The following SCNN1G variants were observed in gnomAD, a reference collection of about 807,000 sequenced individuals.
The protein encoded by SCNN1G is sodium channel epithelial 1 subunit gamma, also known as epithelial sodium channel subunit gamma.
Under a neutral mutation model 64.6 loss-of-function variants are expected in SCNN1G, and 27 were observed. The observed-to-expected ratio is 0.42, with a 90% confidence interval of 0.31 to 0.58. The LOEUF (loss-of-function observed/expected upper bound fraction) is 0.58. Among genes scored for constraint, SCNN1G ranks in the 20% least tolerant of loss-of-function variants. The pLI is 0.18. For missense variants in SCNN1G, 743 were observed against 823.4 expected (o/e 0.90, Z 1.19); for synonymous variants, 330 against 314.2 (o/e 1.05, Z -0.53).
chr16:23,203,629 G>A (rs1488390113), intron 6 of SCNN1G, among the ~76,000 whole-genome samples: 5 of 151,810 alleles, frequency 3.3e-5, no homozygotes, highest in Admixed American at 6.6e-5. Flanking sequence ...AATTAGCCGG[G>A]TGTGGTGGCA....
intron 1 of SCNN1G, among the ~76,000 whole-genome samples, chr16:23,183,724 T>C (rs2141925515): frequency 6.6e-6 from 1 of 152,260 alleles, no homozygotes; most frequent in South Asian, 2.1e-4. Context: ...AATCAGGTAG[T>C]GTGTGAAAAG....
At chr16:23,199,892 C>T (rs569845879) in intron 6 of SCNN1G, among the ~76,000 whole-genome samples, 14 of 151,788 alleles carry the variant, frequency 9.2e-5, no homozygotes, top group African/African-American at 2.9e-4. Flanking sequence ...AGGATGGTCT[C>T]GATCTCCTGA....
chr16:23,186,512 G>A lies in SCNN1G; in HGVS notation c.241G>A (p.Val81Ile), dbSNP rs1014035286. Residue 81 changes from valine (V) to isoleucine (I), a missense_variant, in exon 2 of 13, where the codon GTC becomes ATC. Physicochemically the swap from Val to Ile is conservative, Grantham distance 29 (BLOSUM62 3). Transcript: ENST00000300061. ...CCTCCTCGTCTTCTCCTTCTATACTGTCTCAGTTTCCATCAAAGTCCACTT... is the reference window on the plus strand; with the variant it reads ...CCTCCTCGTCTTCTCCTTCTATACTATCTCAGTTTCCATCAAAGTCCACTT... ...CALLVFSFYT[V>I]SVSIKVHFRK... is the part of the protein sequence containing the mutation. 3.7e-6 allele frequency: 6 copies of A among 1,613,800 alleles called. No homozygotes were observed. The highest frequency in any genetic ancestry group is 1.3e-5 in the African/African-American group (1 of 74,878).
At chr16:23,192,574 A>T in intron 4 of SCNN1G, 32 bp downstream of exon 4, 1 of 1,572,282 alleles carries the variant, frequency 6.4e-7, no homozygotes, top group Non-Finnish European at 8.7e-7. Flanking sequence ...CTCAGCCTCT[A>T]AGGACTGGCA....
At chr16:23,211,935 G>T (rs1960085614) in intron 7 of SCNN1G, 99 bp from the exon 8 acceptor site, 1 of 906,402 alleles carries the variant, frequency 1.1e-6, no homozygotes, top group Non-Finnish European at 1.9e-6. Context: ...GTTGGCCAAG[G>T]TTAAGGGAGG....
Position 23,215,101 on chromosome 16 carries a change from C to T in SCNN1G, c.1582C>T (p.Leu528=). 6.2e-7 allele frequency: 1 copy of T among 1,614,156 alleles called. No individual in the cohort carries two copies. The highest frequency in any genetic ancestry group is 1.1e-5 in the South Asian group (1 of 91,076). The part of the protein sequence containing the change: ...ESPANSIEML[L]SNFGGQLGLW... ...GCCTGTCTTGCAGATTGAGATGCTT[C>T]TGTCCAACTTCGGTGGCCAGCTGGG... The change falls in exon 13 of 13, where the codon CTG becomes TTG. Residue 528 remains leucine (L), a synonymous_variant. Transcript: ENST00000300061.
intron 6 of SCNN1G, among the ~76,000 whole-genome samples, chr16:23,201,540 A>C (rs1471250852): frequency 6.6e-6 from 1 of 151,962 alleles, no homozygotes; most frequent in East Asian, 1.9e-4. Flanking sequence ...AAAAAAAAAA[A>C]CAGGGTTTAT....
rs1176827725 is a variant in SCNN1G at position 23,216,026 on chromosome 16, AGAGAAC to A, written c.*558_*563del. The A allele has an allele frequency of 5.4e-6, 1 of 184,584 alleles. No individual in the cohort carries two copies. Among genetic ancestry groups the A allele is most frequent in the African/African-American group, 2.4e-5 (1 of 42,006 alleles). The allele number at this position is 184,584 out of a possible 1,614,324, so 11.4% of individuals were successfully genotyped here. ...GGTGTCCTCCATGCCCTCAGGCAGC[AGAGAAC>A]TGGCCCAGAGCCCTTGGAGTGTTGG... is the stretch of plus-strand genomic sequence containing the variant. On this transcript the variant is annotated 3_prime_UTR_variant, in exon 13 of 13. Coordinates refer to ENST00000300061, the MANE Select transcript of SCNN1G (RefSeq NM_001039.4).
chr16:23,188,685 T>A (rs943539100), intron 2 of SCNN1G, among the ~76,000 whole-genome samples: 1 of 152,110 alleles, frequency 6.6e-6, no homozygotes, highest in Non-Finnish European at 1.5e-5. Context: ...AGTACCAGGA[T>A]GGGGAACCTA....
intron 1 of SCNN1G, among the ~76,000 whole-genome samples, chr16:23,183,890 T>A (rs1167495493): frequency 1.3e-5 from 2 of 152,212 alleles, no homozygotes; most frequent in African/African-American, 4.8e-5. Flanking sequence ...GCTCAGCCAC[T>A]TTCTAGTGTG....
At chr16:23,193,088 A>G in intron 4 of SCNN1G, among the ~76,000 whole-genome samples, 1 of 151,150 alleles carries the variant, frequency 6.6e-6, no homozygotes, top group East Asian at 1.9e-4. Flanking sequence ...AAAAAAAAAA[A>G]AAAAAAAAAC....
chr16:23,187,605 A>G (rs1368790110), intron 2 of SCNN1G, among the ~76,000 whole-genome samples: 1 of 152,122 alleles, frequency 6.6e-6, no homozygotes, highest in Non-Finnish European at 1.5e-5. Context: ...CCTGCAGCAT[A>G]AGTGAGCTCA....
rs1056794037 is a variant in SCNN1G, at chr16:23,189,265, G to A, written c.318-106G>A. 3.4e-5 allele frequency: 40 copies of A among 1,165,312 alleles called. 1 individual carries two copies. The South Asian group carries it at 4.7e-4, about 14-fold the overall frequency. The allele number at this position is 1,165,312 out of a possible 1,614,324, so 72.2% of individuals were successfully genotyped here. A position where few individuals can be genotyped will look rare whatever the true frequency, so the allele number is the denominator to read the frequency against. On this transcript the variant is annotated intron_variant, in intron 2 of 12. Coordinates refer to ENST00000300061, the MANE Select transcript of SCNN1G (RefSeq NM_001039.4). ...CTCCTCTGCCAAGGAGTTGGGAAAG[G>A]TGGGCATGAGGCTGACACGTGTTGA... is the stretch of plus-strand genomic sequence containing the variant.
intron 6 of SCNN1G, among the ~76,000 whole-genome samples, chr16:23,206,610 G>C (rs2141941243): frequency 6.6e-6 from 1 of 152,252 alleles, no homozygotes; most frequent in South Asian, 2.1e-4. Context: ...TCGAGACCCT[G>C]TCTCAGAGAG....
chr16:23,215,538 C>G lies in SCNN1G; in HGVS notation c.*69C>G. 6.3e-7 allele frequency: 1 copy of G among 1,578,398 alleles called. No homozygotes were observed. ...GTCTAAGGACATGGATCGGGTGCCC[C>G]CAGACGTGTGCACAGGGGACCCTCT... On this transcript the variant is annotated 3_prime_UTR_variant, in exon 13 of 13. Transcript: ENST00000300061.
At chr16:23,203,643 G>A (rs548106099) in intron 6 of SCNN1G, among the ~76,000 whole-genome samples, 3 of 151,624 alleles carry the variant, frequency 2.0e-5, no homozygotes, top group Non-Finnish European at 4.4e-5. Context: ...GGTGGCAGGC[G>A]CCTGTAGTCC....
At chr16:23,185,587 G>T (rs1336242888) in intron 1 of SCNN1G, among the ~76,000 whole-genome samples, 2 of 152,182 alleles carry the variant, frequency 1.3e-5, no homozygotes, top group Admixed American at 6.5e-5. Flanking sequence ...TACATCAGGT[G>T]ATCTAGAAAC....
chr16:23,197,811 A>T (rs959021830), intron 6 of SCNN1G, among the ~76,000 whole-genome samples: 1 of 151,634 alleles, frequency 6.6e-6, no homozygotes, highest in Non-Finnish European at 1.5e-5. Flanking sequence ...ACCCAGGAGG[A>T]GGAGGTTGCA....
At position 23,204,048 on chromosome 16, in the gene SCNN1G, C is replaced by T. The variant is rs373872376; in HGVS notation, c.1078-5702C>T. On this transcript the variant is annotated intron_variant, in intron 6 of 12. Coordinates refer to ENST00000300061, the MANE Select transcript of SCNN1G (RefSeq NM_001039.4). ...ATTCCAGCACTTTGGGAAGTTGAGGCCAGTGGATCACTTGCACCTAGGAGA... is the reference window on the plus strand; with the variant it reads ...ATTCCAGCACTTTGGGAAGTTGAGGTCAGTGGATCACTTGCACCTAGGAGA... Among the ~76,000 whole-genome samples the T allele has an allele frequency of 3.0e-4, 45 of 151,246 alleles. 1 individual carries two copies. The East Asian group carries it at 8.0e-3, about 27-fold the overall frequency.
Sources: gnomAD v4.1 joint callset for allele counts (sites outside exome capture counted in the v4.1 genomes callset) on GRCh38, gnomAD v4.1.1 for gene constraint, MANE v1.5 for transcripts, NCBI Gene and HGNC (gene_info 2026-07-23, HGNC 2026-07-21) for gene names.